The following NOL8 variants were observed in gnomAD, a reference collection of about 807,000 sequenced individuals.
NOL8 encodes nucleolar protein Nop132.
Under a neutral mutation model 116.1 loss-of-function variants are expected in NOL8, and 93 were observed. The observed-to-expected ratio is 0.80, with a 90% CI of 0.68 to 0.95. The LOEUF (loss-of-function observed/expected upper bound fraction) is 0.95. NOL8 is among the 40% of genes least tolerant of loss of function. The pLI, the probability that NOL8 is intolerant of heterozygous loss-of-function variation, is 0.00. For synonymous variants in NOL8, 419 were observed against 469.0 expected (o/e 0.89, Z 1.38); for missense variants, 1,291 against 1,382.8 (o/e 0.93, Z 1.05).
chr9:92,313,285 C>T (rs977024878), intron 7 of NOL8, among the ~76,000 whole-genome samples: 2 of 152,258 alleles, frequency 1.3e-5, no homozygotes, highest in East Asian at 1.9e-4. Flanking sequence ...CAGACGGAGC[C>T]GTTCGATTTG....
rs749767670 is a variant in NOL8, at chr9:92,315,639, G to C, written c.986C>G (p.Ser329Cys). The C allele has an allele frequency of 6.2e-7, 1 of 1,613,094 alleles. No homozygotes were observed. Among genetic ancestry groups the C allele is most frequent in the South Asian group, 1.1e-5 (1 of 90,960 alleles). The stretch of plus-strand genomic sequence containing the variant: ...TACAACTTCAAAAGGATCACTTTCA[G>C]ATTCATTTATTGAGGGTTGTGTAGT... ...QRTTQPSINE[S>C]ESDPFEVVRD... is the part of the protein sequence containing the mutation. The change falls in exon 7 of 17, where the codon TCT becomes TGT. Residue 329 changes from serine to cysteine, a missense_variant. Ser to Cys is a moderately radical substitution (Grantham distance 112). Transcript: ENST00000442668.
At chr9:92,321,860 C>G in intron 3 of NOL8, 114 bp from the exon 4 acceptor site, 1 of 585,674 alleles carries the variant, frequency 1.7e-6, no homozygotes, top group Non-Finnish European at 2.9e-6. Flanking sequence ...ACAAAGAGAT[C>G]CAGGGGAAGT....
chr9:92,315,998 C>T lies in NOL8; in HGVS notation c.627G>A (p.Glu209=). The stretch of plus-strand genomic sequence containing the variant: ...TGGGAGGGCCATGAAAGTCAGAGAA[C>T]TCTCCTCGCCGTTTCTTACTCATAG... ...NDPMSKKRRG[E]FSDFHGPPKK... is the part of the protein sequence containing the mutation. The change falls in exon 7 of 17, where the codon GAG becomes GAA. Residue 209 remains glutamate, a synonymous_variant. Transcript: ENST00000442668. 6.2e-7 allele frequency: 1 copy of T among 1,613,998 alleles called. No individual in the cohort carries two copies.
chr9:92,314,682 TG>T lies in NOL8; in HGVS notation c.1942del (p.Gln648ArgfsTer29). ...GCGATCCTGGCTTTCAAAAGTGGTCTGTCTTTTTTGAGGCTGAATATAGTTT... is the reference window on the plus strand; with the variant it reads ...GCGATCCTGGCTTTCAAAAGTGGTCTTCTTTTTTGAGGCTGAATATAGTTT... ...GPNYIQPQKR[Q>X]TTFESQDRKA... On this transcript the variant is annotated frameshift_variant, in exon 7 of 17. Coordinates refer to ENST00000442668, the MANE Select transcript of NOL8 (RefSeq NM_017948.6). LOFTEE classifies it high-confidence loss of function. 1 of 1,613,674 alleles carries T rather than the reference TG, an allele frequency of 6.2e-7. No homozygotes were observed. Among genetic ancestry groups the T allele is most frequent in the Non-Finnish European group, 8.5e-7 (1 of 1,179,722 alleles).
chr9:92,316,908 G>A (rs1010260063), intron 6 of NOL8, among the ~76,000 whole-genome samples: 9 of 152,168 alleles, frequency 5.9e-5, no homozygotes, highest in African/African-American at 2.2e-4. Flanking sequence ...GTCATTTGCT[G>A]ATTCCCTAAA....
chr9:92,300,680 C>A, intron 13 of NOL8: 1 of 1,073,166 alleles, frequency 9.3e-7, no homozygotes. Context: ...AAAATGAAGT[C>A]TTATTTGCAA....
At chr9:92,300,809 G>A in intron 13 of NOL8, 1 of 1,013,544 alleles carries the variant, frequency 9.9e-7, no homozygotes, top group Non-Finnish European at 1.2e-6. Flanking sequence ...CAGAGACTCT[G>A]TCTCCAAAAA....
intron 4 of NOL8, chr9:92,320,037 T>C (rs1839793815): frequency 2.2e-6 from 1 of 455,842 alleles, no homozygotes; most frequent in Non-Finnish European, 4.4e-6. Context: ...TCAATTTATA[T>C]ACGTTTGGCA....
At chr9:92,310,359 C>T (rs1054811959) in intron 9 of NOL8, 98 bp from the exon 10 acceptor site, 403 of 1,218,238 alleles carry the variant, frequency 3.3e-4, no homozygotes, top group Non-Finnish European at 6.7e-5. Context: ...CACTGAAATT[C>T]ACTACATTAA....
At position 92,319,245 on chromosome 9, in the gene NOL8, T is replaced by C. The variant is rs759106348; in HGVS notation, c.393A>G (p.Pro131=). Residue 131 remains proline (P), a synonymous_variant, in exon 5 of 17, where the codon CCA becomes CCG. Coordinates refer to ENST00000442668, the MANE Select transcript of NOL8 (RefSeq NM_017948.6). ...GGVDFHMKAV[P]GTEVPGHKNW... ...CCTTATGCCCTGGCACTTCTGTCCC[T>C]GGCACAGCTTTCATATGGAAATCCA... 5.7e-6 allele frequency: 9 copies of C among 1,582,424 alleles called. No homozygotes were observed. The highest frequency in any genetic ancestry group is 7.7e-6 in the Non-Finnish European group (9 of 1,167,720).
intron 13 of NOL8, chr9:92,300,639 C>T: frequency 9.9e-7 from 1 of 1,011,730 alleles, no homozygotes; most frequent in Non-Finnish European, 1.2e-6. Context: ...TTACATCATG[C>T]CAACTCTACT....
rs1351492092 is a variant in NOL8 at position 92,314,533 on chromosome 9, A to G, written c.2092T>C (p.Cys698Arg). The change falls in exon 7 of 17, where the codon TGC becomes CGC. Residue 698 changes from cysteine (C) to arginine (R), a missense_variant. Physicochemically the swap from Cys to Arg is radical, Grantham distance 180 (BLOSUM62 -3). Coordinates refer to ENST00000442668, the MANE Select transcript of NOL8 (RefSeq NM_017948.6). ...GCTTCTGTCTTTGTGGTACTATGGC[A>G]GCTGTCTTTGTCAAAGCCTATGTTG... ...THNIGFDKDS[C>R]HSTTKTEASQ... is the part of the protein sequence containing the mutation. 1 of 1,613,676 alleles carries G rather than the reference A, an allele frequency of 6.2e-7. No homozygotes were observed. The highest frequency in any genetic ancestry group is 8.5e-7 in the Non-Finnish European group (1 of 1,179,746).
At position 92,315,468 on chromosome 9, in the gene NOL8, G is replaced by T; in HGVS notation, c.1157C>A (p.Ala386Glu). The change falls in exon 7 of 17, where the codon GCG becomes GAG. Residue 386 changes from alanine to glutamate, a missense_variant. Coordinates refer to ENST00000442668, the MANE Select transcript of NOL8 (RefSeq NM_017948.6). Reference protein sequence around the residue: ...YDSGDTDEIIAMKKNVAKVKN... With the variant: ...YDSGDTDEIIEMKKNVAKVKN... ...GACCTTAGCAACATTTTTTTTCATCGCAATAATTTCATCTGTATCTCCTGA... is the reference window on the plus strand; with the variant it reads ...GACCTTAGCAACATTTTTTTTCATCTCAATAATTTCATCTGTATCTCCTGA... 1 of 1,599,052 alleles carries T rather than the reference G, an allele frequency of 6.3e-7. No individual in the cohort carries two copies. The highest frequency in any genetic ancestry group is 1.3e-5 in the African/African-American group (1 of 74,504).
chr9:92,309,360 T>G (rs1441038495), intron 10 of NOL8, among the ~76,000 whole-genome samples: 1 of 152,186 alleles, frequency 6.6e-6, no homozygotes, highest in Non-Finnish European at 1.5e-5. Flanking sequence ...GAATGGCTTT[T>G]TTGGGACCAC....
At chr9:92,298,206 G>A in intron 16 of NOL8, 51 bp downstream of exon 16, 3 of 1,356,826 alleles carry the variant, frequency 2.2e-6, no homozygotes, top group Non-Finnish European at 3.1e-6. Flanking sequence ...TGTAATTCTA[G>A]ATAGGTAACA....
intron 3 of NOL8, 65 bp downstream of exon 3, chr9:92,323,376 A>G (rs1383564670): frequency 6.5e-7 from 1 of 1,539,794 alleles, no homozygotes; most frequent in Non-Finnish European, 8.8e-7. Flanking sequence ...ATTTAGAACC[A>G]GTTATTCCAA....
intron 10 of NOL8, among the ~76,000 whole-genome samples, chr9:92,309,729 A>G (rs1318419670): frequency 1.3e-5 from 2 of 152,156 alleles, no homozygotes; most frequent in African/African-American, 4.8e-5. Context: ...ACAGGGATAA[A>G]TTCAAGTAGA....
chr9:92,311,202 C>G lies in NOL8; in HGVS notation c.2416G>C (p.Glu806Gln). The stretch of plus-strand genomic sequence containing the variant: ...TCCTGAGTCGATGTCTCCTCTGTTT[C>G]ACATTCACTGTCAGAACCGAAGATG... ...HIIFGSDSEC[E>Q]TEETSTQEQS... The change falls in exon 8 of 17, where the codon GAA (glutamate) becomes CAA (glutamine). Residue 806 changes from glutamate (E) to glutamine (Q), a missense_variant. Transcript: ENST00000442668. 6.2e-7 allele frequency: 1 copy of G among 1,613,878 alleles called. No individual in the cohort carries two copies. Among genetic ancestry groups the G allele is most frequent in the Non-Finnish European group, 8.5e-7 (1 of 1,179,846 alleles).
intron 11 of NOL8, 51 bp from the exon 12 acceptor site, chr9:92,305,881 T>C (rs1301181317): frequency 4.8e-6 from 6 of 1,260,356 alleles, no homozygotes; most frequent in Admixed American, 1.8e-5. Flanking sequence ...AGAACACTAA[T>C]ACAAAAAGTA....
Sources: allele counts gnomAD v4.1 joint callset (sites outside exome capture counted in the v4.1 genomes callset), GRCh38; gene constraint gnomAD v4.1.1; transcripts MANE v1.5; gene names NCBI Gene and HGNC (gene_info 2026-07-23, HGNC 2026-07-21).